Variants in APPBP2 observed in about 807,000 individuals in gnomAD.
APPBP2 encodes the protein amyloid protein-binding protein 2.
Under a neutral mutation model 76.0 loss-of-function variants are expected in APPBP2, and 15 were observed. That is an observed-to-expected ratio of 0.20 (90% CI 0.13 to 0.30). The LOEUF (loss-of-function observed/expected upper bound fraction) is 0.30. APPBP2 is among the 10% of genes least tolerant of loss of function. The pLI is 1.00. For missense variants in APPBP2, 401 were observed against 687.2 expected (o/e 0.58, Z 4.66); for synonymous variants, 222 against 242.2 (o/e 0.92, Z 0.77).
At chr17:60,507,018 G>GAGCA (rs2090873580) in intron 1 of APPBP2, among the ~76,000 whole-genome samples, 1 of 152,076 alleles carries the variant, frequency 6.6e-6, no homozygotes, top group Non-Finnish European at 1.5e-5. Flanking sequence ...CCTGGCGATA[G>GAGCA]AGCAAGACTC....
intron 2 of APPBP2, among the ~76,000 whole-genome samples, chr17:60,498,712 T>C (rs1598367025): frequency 6.6e-6 from 1 of 152,148 alleles, no homozygotes; most frequent in African/African-American, 2.4e-5. Flanking sequence ...GTATTTAATA[T>C]GTTCTAAAAT....
intron 5 of APPBP2, among the ~76,000 whole-genome samples, 160 bp from the exon 6 acceptor site, chr17:60,464,270 A>T (rs1245185246): frequency 1.3e-5 from 2 of 152,182 alleles, no homozygotes; most frequent in Non-Finnish European, 2.9e-5. Context: ...TCAAAGTATA[A>T]ATCTGTTATA....
intron 1 of APPBP2, among the ~76,000 whole-genome samples, chr17:60,506,290 G>A (rs2090867654): frequency 6.6e-6 from 1 of 152,160 alleles, no homozygotes; most frequent in African/African-American, 2.4e-5. Context: ...CACTGCCCCT[G>A]GCCTTGACGC....
intron 1 of APPBP2, among the ~76,000 whole-genome samples, chr17:60,502,740 C>G (rs1310703952): frequency 2.7e-5 from 4 of 145,922 alleles, no homozygotes; most frequent in Non-Finnish European, 5.9e-5. Context: ...CCTGTAATCC[C>G]AGCTACTCGG....
chr17:60,493,652 T>C (rs2090749958), intron 3 of APPBP2, among the ~76,000 whole-genome samples: 1 of 150,946 alleles, frequency 6.6e-6, no homozygotes, highest in Non-Finnish European at 1.5e-5. Flanking sequence ...TTCTTTTTTT[T>C]TTTTTCTGAG....
intron 3 of APPBP2, among the ~76,000 whole-genome samples, chr17:60,493,625 T>C (rs967301335): frequency 6.7e-6 from 1 of 149,008 alleles, no homozygotes; most frequent in Non-Finnish European, 1.5e-5. Flanking sequence ...AGAACCGCCA[T>C]GCCCAGCCTT....
At chr17:60,507,205 C>A (rs1259089720) in intron 1 of APPBP2, among the ~76,000 whole-genome samples, 1 of 148,960 alleles carries the variant, frequency 6.7e-6, no homozygotes, top group Non-Finnish European at 1.5e-5. Context: ...ATCCTTGCCA[C>A]ATTAAATATT....
chr17:60,482,834 GA>G (rs1335697536), intron 3 of APPBP2, among the ~76,000 whole-genome samples: 1 of 152,104 alleles, frequency 6.6e-6, no homozygotes, highest in Non-Finnish European at 1.5e-5. Flanking sequence ...GTCTATCATT[GA>G]TGGACATTTG....
chr17:60,525,015 G>C (rs889962460), intron 1 of APPBP2, among the ~76,000 whole-genome samples: 3 of 152,206 alleles, frequency 2.0e-5, no homozygotes, highest in Non-Finnish European at 4.4e-5. Context: ...ACTCCTTGGA[G>C]AGTGGCTTGG....
At position 60,479,237 on chromosome 17, in the gene APPBP2, A is replaced by G. The variant is rs140733923; in HGVS notation, c.414T>C (p.Asp138=). ...GGCAGGACAGAAAAACTTTCTCAGC[A>G]TCACTGTACCAGCCTGCATCTGAAA... The part of the protein sequence containing the change: ...GFLSDAGWYS[D]AEKVFLSCLQ... Residue 138 remains aspartate (D), a synonymous_variant, in exon 4 of 13, where the codon GAT becomes GAC. Coordinates refer to ENST00000083182, the MANE Select transcript of APPBP2 (RefSeq NM_006380.5). The G allele has an allele frequency of 3.1e-6, 5 of 1,613,510 alleles. No individual in the cohort carries two copies. In the African/African-American group the frequency reaches 6.7e-5, roughly 22 times the overall value.
At chr17:60,500,989 T>C (rs1334526775) in intron 1 of APPBP2, among the ~76,000 whole-genome samples, 1 of 152,190 alleles carries the variant, frequency 6.6e-6, no homozygotes, top group Non-Finnish European at 1.5e-5. Flanking sequence ...TAATCGTTTA[T>C]ACATTCTGAC....
Position 60,525,256 on chromosome 17 carries a change from C to T in APPBP2, c.138+538G>A, listed in dbSNP as rs556812807. Reference sequence around the variant, plus strand: ...AGCTTTAAAGAATATGCAAATAAAACACACAGATTATTTCCAATAATCCCT... The same window carrying T: ...AGCTTTAAAGAATATGCAAATAAAATACACAGATTATTTCCAATAATCCCT... On this transcript the variant is annotated intron_variant, in intron 1 of 12. Coordinates refer to ENST00000083182, the MANE Select transcript of APPBP2 (RefSeq NM_006380.5). Among the ~76,000 whole-genome samples the T allele has an allele frequency of 7.9e-5, 12 of 152,282 alleles. No individual in the cohort carries two copies. In the South Asian group the frequency reaches 2.5e-3, roughly 32 times the overall value.
At chr17:60,472,570 G>A (rs1028001059) in intron 4 of APPBP2, among the ~76,000 whole-genome samples, 4 of 152,124 alleles carry the variant, frequency 2.6e-5, no homozygotes, top group African/African-American at 9.7e-5. Context: ...AGTCTGGTAT[G>A]GTTTTAATTT....
At chr17:60,515,216 A>C (rs1165283650) in intron 1 of APPBP2, among the ~76,000 whole-genome samples, 2 of 151,438 alleles carry the variant, frequency 1.3e-5, no homozygotes, top group Non-Finnish European at 2.9e-5. Context: ...CCTGGGTTCA[A>C]GCAGATCTCC....
chr17:60,447,770 A>G lies in APPBP2; in HGVS notation c.1569T>C (p.Leu523=), dbSNP rs745956828. The change falls in exon 13 of 13, where the codon CTT becomes CTC. Residue 523 remains leucine (L), a synonymous_variant. Transcript: ENST00000083182. ...LEYDYRGLIK[L]YNSIGNYEKV... is the part of the protein sequence containing the mutation. ...TCTCGTAATTTCCAATGGAGTTGTA[A>G]AGTTTAATGAGACCTCGATAATCAT... The G allele has an allele frequency of 1.9e-6, 3 of 1,613,986 alleles. No homozygotes were observed. In the African/African-American group the frequency reaches 4.0e-5, roughly 22 times the overall value.
At chr17:60,493,913 C>T (rs538800303) in intron 3 of APPBP2, among the ~76,000 whole-genome samples, 17 of 152,322 alleles carry the variant, frequency 1.1e-4, no homozygotes, top group African/African-American at 4.1e-4. Flanking sequence ...CTAGGAACTA[C>T]AGGCATGAGT....
chr17:60,508,346 C>T (rs912324248), intron 1 of APPBP2, among the ~76,000 whole-genome samples: 3 of 152,110 alleles, frequency 2.0e-5, no homozygotes, highest in Non-Finnish European at 2.9e-5. Context: ...GACAAAGATG[C>T]TAACCTTTCA....
In APPBP2 at chr17:60,454,529, C is replaced by T. The variant is rs1223265502; in HGVS notation, c.1148-37G>A. ...GGCAATAAATTAGTGTACTTCAAAA[C>T]CATCTACCAAAGCTAGTAAGAACAT... On this transcript the variant is annotated intron_variant, in intron 10 of 12. Transcript: ENST00000083182. 8.6e-6 allele frequency: 12 copies of T among 1,389,794 alleles called. No homozygotes were observed. The African/African-American group carries it at 1.5e-4, about 17-fold the overall frequency. 86.1% of individuals were successfully genotyped at this position (1,389,794 alleles called of 1,614,324 possible).
At chr17:60,456,469 T>C (rs2090432598) in intron 9 of APPBP2, 88 bp from the exon 10 acceptor site, 4 of 839,502 alleles carry the variant, frequency 4.8e-6, no homozygotes. Context: ...AATATAATAT[T>C]GATAGAAAGT....
Sources: allele counts gnomAD v4.1 joint callset (sites outside exome capture counted in the v4.1 genomes callset), GRCh38; gene constraint gnomAD v4.1.1; transcripts MANE v1.5; gene names NCBI Gene and HGNC (gene_info 2026-07-23, HGNC 2026-07-21).